Variants in SNX29 observed in about 807,000 individuals in gnomAD.
The protein encoded by SNX29 is sorting nexin 29, also known as sorting nexin-29.
Under a neutral mutation model 102.1 loss-of-function variants are expected in SNX29, and 78 were observed. The ratio of observed to expected loss-of-function variants is 0.76; its 90% CI spans 0.64 to 0.92. The LOEUF is 0.92. Ranked by LOEUF, SNX29 falls within the 40% of genes least tolerant of loss-of-function variation. SNX29 has a pLI of 0.00. For synonymous variants in SNX29, 580 were observed against 414.5 expected, an observed-to-expected ratio of 1.40 and a Z score of -4.85; for missense variants, 1,280 against 1,061.7, an observed-to-expected ratio of 1.21 and a Z score of -2.86.
At chr16:12,197,846 T>G (rs2141954265) in intron 13 of SNX29, among the ~76,000 whole-genome samples, 1 of 151,934 alleles carries the variant, frequency 6.6e-6, no homozygotes, top group East Asian at 1.9e-4. Flanking sequence ...AGTGTCTGAG[T>G]TTGATCCTTT....
At chr16:12,536,912 G>A (rs1304867757) in intron 20 of SNX29, among the ~76,000 whole-genome samples, 1 of 152,152 alleles carries the variant, frequency 6.6e-6, no homozygotes, top group African/African-American at 2.4e-5. Context: ...GGAGGTGGAG[G>A]TTGCAGTGAG....
chr16:12,547,522 A>G (rs931536331), intron 20 of SNX29, among the ~76,000 whole-genome samples: 9 of 152,072 alleles, frequency 5.9e-5, no homozygotes, highest in African/African-American at 2.2e-4. Flanking sequence ...GGTGTGAGAG[A>G]AAGAGGAACT....
intron 14 of SNX29, among the ~76,000 whole-genome samples, chr16:12,256,572 C>A (rs765847890): frequency 6.6e-6 from 1 of 152,156 alleles, no homozygotes; most frequent in Non-Finnish European, 1.5e-5. Context: ...AAGTGATCCG[C>A]CTGCTTCGGC....
intron 1 of SNX29, among the ~76,000 whole-genome samples, chr16:11,981,942 C>T (rs1032727045): frequency 3.3e-5 from 5 of 151,834 alleles, no homozygotes; most frequent in East Asian, 1.9e-4. Flanking sequence ...TGATTGCTCA[C>T]GCCTGTAATC....
chr16:12,571,239 G>A lies in SNX29; in HGVS notation c.*2610G>A, dbSNP rs951378557. On this transcript the variant is annotated 3_prime_UTR_variant, in exon 21 of 21. Coordinates refer to ENST00000566228, the MANE Select transcript of SNX29 (RefSeq NM_032167.5). ...GGTTCCCAGTTCCTGGAGTTATGGAGCAGAAACACCCAGGCCTAGCAGAAT... is the reference window on the plus strand; with the variant it reads ...GGTTCCCAGTTCCTGGAGTTATGGAACAGAAACACCCAGGCCTAGCAGAAT... 3.0e-5 allele frequency: 7 copies of A among 232,110 alleles called. No individual in the cohort carries two copies. The highest frequency in any genetic ancestry group is 1.5e-4 in the African/African-American group (7 of 45,282). The allele number at this position is 232,110 out of a possible 1,614,324, so 14.4% of individuals were successfully genotyped here. A position where few individuals can be genotyped will look rare whatever the true frequency, so the allele number is the denominator to read the frequency against.
chr16:12,554,138 G>C lies in SNX29; in HGVS notation c.2319-14368G>C, dbSNP rs375396157. 2.0e-5 allele frequency among the ~76,000 whole-genome samples: 3 copies of C among 152,188 alleles called. No homozygotes were observed. In the South Asian group the frequency reaches 6.2e-4, roughly 32 times the overall value. The stretch of plus-strand genomic sequence containing the variant: ...CCACCATGCCCAGCCTGGATGCTTT[G>C]CTCTTTACTGTGTTTAAGTAAATGA... On this transcript the variant is annotated intron_variant, in intron 20 of 20. Coordinates refer to ENST00000566228, the MANE Select transcript of SNX29 (RefSeq NM_032167.5).
Position 12,568,781 on chromosome 16 carries a change from T to G in SNX29, c.*152T>G. ...CCCAACAGTTACACAACACCCCGATTAAACTAATCAGTCTTCGAGCCGCAT... is the reference window on the plus strand; with the variant it reads ...CCCAACAGTTACACAACACCCCGATGAAACTAATCAGTCTTCGAGCCGCAT... On this transcript the variant is annotated 3_prime_UTR_variant, in exon 21 of 21. Transcript: ENST00000566228. 4 of 1,210,696 alleles carry G rather than the reference T, an allele frequency of 3.3e-6. No individual in the cohort carries two copies. The highest frequency in any genetic ancestry group is 4.5e-6 in the Non-Finnish European group (4 of 889,638). 75.0% of individuals were successfully genotyped at this position (1,210,696 alleles called of 1,614,324 possible).
intron 4 of SNX29, among the ~76,000 whole-genome samples, chr16:12,039,914 G>A (rs1395166369): frequency 2.0e-5 from 3 of 152,288 alleles, no homozygotes; most frequent in South Asian, 4.1e-4. Context: ...GATGTAAAGT[G>A]TTTACTGCAA....
At chr16:12,551,110 G>A (rs118078092) in intron 20 of SNX29, among the ~76,000 whole-genome samples, 1 of 152,236 alleles carries the variant, frequency 6.6e-6, no homozygotes, top group East Asian at 1.9e-4. Flanking sequence ...GAAATCTGGT[G>A]TGAAATAATG....
At chr16:12,057,912 T>C (rs991968838) in intron 8 of SNX29, among the ~76,000 whole-genome samples, 4 of 151,634 alleles carry the variant, frequency 2.6e-5, no homozygotes, top group African/African-American at 9.7e-5. Context: ...CTGCCTCCTG[T>C]GTTCAAGCGA....
At chr16:12,497,406 G>T (rs1167550292) in intron 19 of SNX29, among the ~76,000 whole-genome samples, 1 of 152,202 alleles carries the variant, frequency 6.6e-6, no homozygotes, top group Non-Finnish European at 1.5e-5. Flanking sequence ...CTATGGAGGA[G>T]GTTAAATTAG....
At chr16:12,426,893 T>C (rs1476703528) in intron 18 of SNX29, among the ~76,000 whole-genome samples, 2 of 152,184 alleles carry the variant, frequency 1.3e-5, no homozygotes, top group African/African-American at 4.8e-5. Flanking sequence ...CTTGAACTTG[T>C]GACCTCAAGT....
At chr16:12,481,532 AC>A (rs2087927211) in intron 19 of SNX29, among the ~76,000 whole-genome samples, 1 of 150,574 alleles carries the variant, frequency 6.6e-6, no homozygotes. Context: ...ACACACACAC[AC>A]ACACACACAC....
At chr16:11,977,211 C>G (rs1314005418) in intron 1 of SNX29, among the ~76,000 whole-genome samples, 3 of 152,126 alleles carry the variant, frequency 2.0e-5, no homozygotes, top group African/African-American at 7.2e-5. Flanking sequence ...CCCCAGTCAT[C>G]CCCGCTACCC....
chr16:12,541,428 GTCA>G (rs1315664989), intron 20 of SNX29, among the ~76,000 whole-genome samples: 7 of 152,156 alleles, frequency 4.6e-5, no homozygotes, highest in African/African-American at 1.2e-4. Flanking sequence ...CTCATGGAAG[GTCA>G]TCAATGTCTC....
At chr16:12,555,157 G>A (rs958748005) in intron 20 of SNX29, among the ~76,000 whole-genome samples, 4 of 151,922 alleles carry the variant, frequency 2.6e-5, no homozygotes, top group African/African-American at 9.7e-5. Flanking sequence ...AGGAGTGACA[G>A]GGTCTGGCAT....
Position 12,572,531 on chromosome 16 carries a change from A to AGG in SNX29, c.*3906_*3907dup. ...CTGCTCCACGTGCTCAAGCCCCCACAGGGGGCTGCGACACCATCTGGCTCC... is the reference window on the plus strand; with the variant it reads ...CTGCTCCACGTGCTCAAGCCCCCACAGGGGGGGCTGCGACACCATCTGGCTCC... On this transcript the variant is annotated 3_prime_UTR_variant, in exon 21 of 21. Coordinates refer to ENST00000566228, the MANE Select transcript of SNX29 (RefSeq NM_032167.5). 1 of 1,063,614 alleles carries AGG rather than the reference A, an allele frequency of 9.4e-7. No individual in the cohort carries two copies. Among genetic ancestry groups the AGG allele is most frequent in the Non-Finnish European group, 1.1e-6 (1 of 878,224 alleles). The allele number at this position is 1,063,614 out of a possible 1,614,324, so 65.9% of individuals were successfully genotyped here.
chr16:12,136,393 G>C (rs2054662096), intron 13 of SNX29, among the ~76,000 whole-genome samples: 2 of 152,210 alleles, frequency 1.3e-5, no homozygotes, highest in South Asian at 2.1e-4. Context: ...CTGCCACTTG[G>C]TAACTTCTTA....
At chr16:12,537,275 C>A (rs961405442) in intron 20 of SNX29, among the ~76,000 whole-genome samples, 1 of 152,206 alleles carries the variant, frequency 6.6e-6, no homozygotes, top group Non-Finnish European at 1.5e-5. Context: ...CCTCAGGAAA[C>A]TGGTTAGTGT....
Sources: allele counts gnomAD v4.1 joint callset (sites outside exome capture counted in the v4.1 genomes callset), GRCh38; gene constraint gnomAD v4.1.1; transcripts MANE v1.5; gene names NCBI Gene and HGNC (gene_info 2026-07-23, HGNC 2026-07-21).